The following ITGB6 variants were observed in gnomAD, a reference collection of about 807,000 sequenced individuals.
ITGB6 encodes the protein integrin subunit beta 6, also known as integrin beta-6.
Under a neutral mutation model 84.5 loss-of-function variants are expected in ITGB6, and 80 were observed. That is an observed-to-expected ratio of 0.95 (90% confidence interval 0.79 to 1.14). ITGB6 has a LOEUF of 1.14. Ranked by LOEUF, ITGB6 falls within the 50% of genes most tolerant of loss-of-function variation. The probability of loss-of-function intolerance (pLI) is 0.00; values close to 1 mark genes in which losing one functional copy is unlikely to be tolerated. For missense variants in ITGB6, 1,006 were observed against 968.0 expected (o/e 1.04, Z -0.52); for synonymous variants, 383 against 354.9 (o/e 1.08, Z -0.89).
chr2:160,187,815 G>C (rs1056438409), intron 4 of ITGB6, among the ~76,000 whole-genome samples: 1 of 152,088 alleles, frequency 6.6e-6, no homozygotes, highest in East Asian at 1.9e-4. Flanking sequence ...AAATGTTTCT[G>C]TTTTACTTTC....
chr2:160,158,888 C>T (rs1156856471), intron 7 of ITGB6, among the ~76,000 whole-genome samples: 8 of 152,234 alleles, frequency 5.3e-5, no homozygotes, highest in African/African-American at 1.9e-4. Flanking sequence ...ATCATGAAGT[C>T]AGGAGATCGA....
chr2:160,178,793 G>A (rs1399097036), intron 4 of ITGB6: 1 of 151,198 alleles, frequency 6.6e-6, no homozygotes, highest in South Asian at 2.1e-4. Flanking sequence ...CGCCACCGGG[G>A]TCAAGCAATT....
intron 4 of ITGB6, among the ~76,000 whole-genome samples, chr2:160,189,786 G>A (rs969881802): frequency 2.6e-5 from 4 of 152,168 alleles, no homozygotes; most frequent in African/African-American, 9.7e-5. Flanking sequence ...CATTGTGGAA[G>A]TCAGTGTGGC....
At chr2:160,108,804 G>A (rs1697008814) in intron 13 of ITGB6, among the ~76,000 whole-genome samples, 1 of 152,180 alleles carries the variant, frequency 6.6e-6, no homozygotes, top group African/African-American at 2.4e-5. Context: ...CTGTATTGAA[G>A]ATATTAATGT....
chr2:160,168,266 G>A (rs74503639), intron 7 of ITGB6, among the ~76,000 whole-genome samples: 3,324 of 152,224 alleles, frequency 0.022, 126 homozygotes, highest in African/African-American at 0.077. Flanking sequence ...GGGCTGTACC[G>A]TCCTTAGTAG....
chr2:160,161,445 C>T (rs1267649183), intron 7 of ITGB6, among the ~76,000 whole-genome samples: 1 of 152,164 alleles, frequency 6.6e-6, no homozygotes, highest in African/African-American at 2.4e-5. Context: ...CACATGCCAC[C>T]ACACTTGGCT....
chr2:160,173,788 G>C (rs1267459162), intron 5 of ITGB6, among the ~76,000 whole-genome samples, 186 bp downstream of exon 5: 1 of 151,984 alleles, frequency 6.6e-6, no homozygotes, highest in Non-Finnish European at 1.5e-5. Context: ...TAGGCAGAAA[G>C]GACAGTCCCC....
chr2:160,197,501 G>A (rs201471236), intron 2 of ITGB6, among the ~76,000 whole-genome samples: 2 of 152,198 alleles, frequency 1.3e-5, no homozygotes, highest in East Asian at 3.8e-4. Flanking sequence ...ACTATGCAAA[G>A]GGGAACTTGT....
At chr2:160,134,060 A>G (rs952175403) in intron 10 of ITGB6, among the ~76,000 whole-genome samples, 14 of 152,366 alleles carry the variant, frequency 9.2e-5, no homozygotes, top group Admixed American at 3.9e-4. Flanking sequence ...AGATCAGAGC[A>G]GAACTGAAGG....
chr2:160,101,641 C>A lies in ITGB6; in HGVS notation c.*95G>T. On this transcript the variant is annotated 3_prime_UTR_variant, in exon 15 of 15. Transcript: ENST00000283249. ...GCAGATGTCCTATTATTATCTTAAACCAACCTCATTTTGAAGCAACAAAGA... is the reference window on the plus strand; with the variant it reads ...GCAGATGTCCTATTATTATCTTAAAACAACCTCATTTTGAAGCAACAAAGA... The A allele has an allele frequency of 1.3e-6, 1 of 758,972 alleles. No individual in the cohort carries two copies. The allele number at this position is 758,972 out of a possible 1,614,324, so 47.0% of individuals were successfully genotyped here.
chr2:160,138,101 G>A lies in ITGB6; in HGVS notation c.1206C>T (p.His402=), dbSNP rs746158392. The change falls in exon 9 of 15, where the codon CAC becomes CAT. Residue 402 remains histidine, a synonymous_variant. Transcript: ENST00000283249. ...AICNNGTLFQ[H]QKKCSHMKVG... Reference sequence around the variant, plus strand: ...CTTTCATGTGAGAGCATTTCTTTTGGTGTTGGAAGAGGGTACCGTTGTTAC... The same window carrying A: ...CTTTCATGTGAGAGCATTTCTTTTGATGTTGGAAGAGGGTACCGTTGTTAC... 2 of 1,613,868 alleles carry A rather than the reference G, an allele frequency of 1.2e-6. No homozygotes were observed. Among genetic ancestry groups the A allele is most frequent in the South Asian group, 1.1e-5 (1 of 91,006 alleles).
In ITGB6 at chr2:160,137,628, C is replaced by T. The variant is rs369831997; in HGVS notation, c.1466G>A (p.Arg489His). The stretch of plus-strand genomic sequence containing the variant: ...CAGCATGTCCTCGCCACACTCACAG[C>T]GAGGCCCCATGTGGCCAGGGTGGCA... ...CACHPGHMGP[R>H]CECGEDMLST... The change falls in exon 10 of 15, where the codon CGC becomes CAC. Residue 489 changes from arginine (R) to histidine (H), a missense_variant. Transcript: ENST00000283249. 10 of 1,614,196 alleles carry T rather than the reference C, an allele frequency of 6.2e-6. No homozygotes were observed. Among genetic ancestry groups the T allele is most frequent in the Admixed American group, 3.3e-5 (2 of 60,036 alleles).
At chr2:160,125,855 G>A (rs2105800654) in intron 11 of ITGB6, among the ~76,000 whole-genome samples, 1 of 152,252 alleles carries the variant, frequency 6.6e-6, no homozygotes, top group East Asian at 1.9e-4. Context: ...CCAAAGAAAG[G>A]CGCCAAAGAG....
At chr2:160,133,318 T>C (rs1376826375) in intron 10 of ITGB6, among the ~76,000 whole-genome samples, 2 of 152,076 alleles carry the variant, frequency 1.3e-5, no homozygotes, top group African/African-American at 4.8e-5. Context: ...GAAAAGGCCA[T>C]TACATAATGG....
intron 10 of ITGB6, 135 bp from the exon 11 acceptor site, chr2:160,126,736 G>A: frequency 1.4e-6 from 1 of 725,544 alleles, no homozygotes; most frequent in Non-Finnish European, 2.3e-6. Flanking sequence ...AAAAGTATGT[G>A]TGTGAGGGGT....
At chr2:160,134,690 C>CA (rs1683630128) in intron 10 of ITGB6, among the ~76,000 whole-genome samples, 1 of 152,212 alleles carries the variant, frequency 6.6e-6, no homozygotes, top group Non-Finnish European at 1.5e-5. Context: ...AGCTGCACAT[C>CA]AAAAAGCTTA....
At chr2:160,196,529 C>T in intron 2 of ITGB6, 109 bp from the exon 3 acceptor site, 1 of 876,234 alleles carries the variant, frequency 1.1e-6, no homozygotes, top group Non-Finnish European at 1.8e-6. Flanking sequence ...AGTTAAGCAT[C>T]TTGCCATATT....
At chr2:160,146,016 C>G (rs1684173181) in intron 7 of ITGB6, among the ~76,000 whole-genome samples, 1 of 152,080 alleles carries the variant, frequency 6.6e-6, no homozygotes, top group South Asian at 2.1e-4. Flanking sequence ...GCCCTTATAG[C>G]CCACTCTTGT....
intron 6 of ITGB6, 65 bp downstream of exon 6, chr2:160,172,504 C>A (rs1055900777): frequency 4.7e-5 from 66 of 1,405,860 alleles, no homozygotes; most frequent in Non-Finnish European, 6.2e-5. Flanking sequence ...ACATGTATTA[C>A]ACTAGTTGTT....
Sources: allele counts gnomAD v4.1 joint callset (sites outside exome capture counted in the v4.1 genomes callset), GRCh38; gene constraint gnomAD v4.1.1; transcripts MANE v1.5; gene names NCBI Gene and HGNC (gene_info 2026-07-23, HGNC 2026-07-21).